Variants in CHST13 observed in about 807,000 individuals in gnomAD.
CHST13 encodes carbohydrate sulfotransferase 13.
Under a neutral mutation model 7.0 loss-of-function variants are expected in CHST13, and 1 was observed. The observed-to-expected ratio is 0.14, with a 90% confidence interval of 0.05 to 0.68. CHST13 has a LOEUF of 0.68. Ranked by LOEUF, CHST13 falls within the 30% of genes least tolerant of loss-of-function variation. The probability of loss-of-function intolerance (pLI) is 0.82; values close to 1 mark genes in which losing one functional copy is unlikely to be tolerated. For synonymous variants in CHST13, 257 were observed against 240.9 expected (o/e 1.07, Z -0.62); for missense variants, 572 against 507.9 (o/e 1.13, Z -1.21).
Position 126,542,870 on chromosome 3 carries a change from CA to C in CHST13, c.*293del. The C allele has an allele frequency of 3.2e-6, 1 of 310,054 alleles. No homozygotes were observed. Among genetic ancestry groups the C allele is most frequent in the Non-Finnish European group, 5.8e-6 (1 of 170,952 alleles). The allele number at this position is 310,054 out of a possible 1,614,324, so 19.2% of individuals were successfully genotyped here. On this transcript the variant is annotated 3_prime_UTR_variant, in exon 3 of 3. Transcript: ENST00000319340. The stretch of plus-strand genomic sequence containing the variant: ...CGTAGATGGGCAAGGACTTGATAAC[CA>C]GGGTTTTAGGCTTTTAAAGGCCATT...
chr3:126,537,914 C>G (rs764860112), intron 2 of CHST13, among the ~76,000 whole-genome samples: 4 of 152,210 alleles, frequency 2.6e-5, no homozygotes, highest in Non-Finnish European at 5.9e-5. Context: ...CACAGAGCTT[C>G]TATGGACTAG....
At chr3:126,532,568 C>T (rs1936680875) in intron 1 of CHST13, among the ~76,000 whole-genome samples, 1 of 152,206 alleles carries the variant, frequency 6.6e-6, no homozygotes, top group Non-Finnish European at 1.5e-5. Flanking sequence ...CATCAATAAT[C>T]AACTGACCAC....
intron 2 of CHST13, among the ~76,000 whole-genome samples, chr3:126,539,840 A>C (rs1472676304): frequency 1.3e-5 from 1 of 77,632 alleles, no homozygotes; most frequent in African/African-American, 6.1e-5. Flanking sequence ...CACACACACC[A>C]CACACATCAC....
In CHST13 at chr3:126,541,889, C is replaced by CCCAA; in HGVS notation, c.338_341dup (p.Lys114AsnfsTer128). Reference sequence around the variant, plus strand: ...GCATGGCCTGCTCTACTGCTACGTGCCCAAGGTGGCCTGCACCAACTGGAA... The same window carrying CCCAA: ...GCATGGCCTGCTCTACTGCTACGTGCCCAACCAAGGTGGCCTGCACCAACTGGAA... On this transcript the variant is annotated frameshift_variant, in exon 3 of 3. Coordinates refer to ENST00000319340, the MANE Select transcript of CHST13 (RefSeq NM_152889.3). LOFTEE classifies it low-confidence loss of function (END_TRUNC). 6.2e-7 allele frequency: 1 copy of CCCAA among 1,600,280 alleles called. No individual in the cohort carries two copies. The highest frequency in any genetic ancestry group is 1.7e-5 in the Admixed American group (1 of 58,878).
Position 126,524,394 on chromosome 3 carries a change from TG to T in CHST13, c.63del (p.Leu22SerfsTer56). On this transcript the variant is annotated frameshift_variant, in exon 1 of 3. Coordinates refer to ENST00000319340, the MANE Select transcript of CHST13 (RefSeq NM_152889.3). LOFTEE classifies it high-confidence loss of function. Reference protein sequence around the residue: ...LAAACLGAALLLLCAAPRSLR... With the variant: ...LAAACLGAALXLLCAAPRSLR... Reference sequence around the variant, plus strand: ...GCCGCCTGTCTGGGCGCCGCGCTCCTGCTCCTATGCGCCGCGCCCCGCTCCC... The same window carrying T: ...GCCGCCTGTCTGGGCGCCGCGCTCCTCTCCTATGCGCCGCGCCCCGCTCCC... 8.2e-7 allele frequency: 1 copy of T among 1,219,818 alleles called. No homozygotes were observed. The highest frequency in any genetic ancestry group is 1.0e-6 in the Non-Finnish European group (1 of 975,604). 75.6% of individuals were successfully genotyped at this position (1,219,818 alleles called of 1,614,324 possible). A position where few individuals can be genotyped will look rare whatever the true frequency, so the allele number is the denominator to read the frequency against.
Position 126,524,417 on chromosome 3 carries a change from T to C in CHST13, c.85T>C (p.Ser29Pro). 5 of 1,172,646 alleles carry C rather than the reference T, an allele frequency of 4.3e-6. No individual in the cohort carries two copies. The highest frequency in any genetic ancestry group is 5.3e-6 in the Non-Finnish European group (5 of 935,372). 72.6% of individuals were successfully genotyped at this position (1,172,646 alleles called of 1,614,324 possible). Reference sequence around the variant, plus strand: ...CCTGCTCCTATGCGCCGCGCCCCGCTCCCTGCGCCCGGGTGAGTGCCCGCC... The same window carrying C: ...CCTGCTCCTATGCGCCGCGCCCCGCCCCCTGCGCCCGGGTGAGTGCCCGCC... ...ALLLLCAAPR[S>P]LRPAFGNRAL... The change falls in exon 1 of 3, where the codon TCC becomes CCC. Residue 29 changes from serine to proline, a missense_variant. Transcript: ENST00000319340.
At chr3:126,539,114 T>C (rs1936865986) in intron 2 of CHST13, among the ~76,000 whole-genome samples, 1 of 152,070 alleles carries the variant, frequency 6.6e-6, no homozygotes, top group Non-Finnish European at 1.5e-5. Flanking sequence ...TCTTTTCATT[T>C]TGAAAAATTC....
chr3:126,540,178 C>T (rs796515220), intron 2 of CHST13, among the ~76,000 whole-genome samples: 82 of 152,270 alleles, frequency 5.4e-4, no homozygotes, highest in African/African-American at 1.9e-3. Context: ...CCAAAGGCCG[C>T]TTTGGCCTCC....
Position 126,542,117 on chromosome 3 carries a change from G to C in CHST13, c.565G>C (p.Ala189Pro), listed in dbSNP as rs759105663. Residue 189 changes from alanine (A) to proline (P), a missense_variant, in exon 3 of 3, where the codon GCG (alanine) becomes CCG (proline). By Grantham distance (27) the Ala-to-Pro change is conservative. Coordinates refer to ENST00000319340, the MANE Select transcript of CHST13 (RefSeq NM_152889.3). ...RLASAYRNKLARPYSAAFQRR... is the reference protein window; with the variant it reads ...RLASAYRNKLPRPYSAAFQRR... ...GGCATCGGCTTACCGCAACAAGCTC[G>C]CGCGCCCCTACAGCGCCGCCTTCCA... 1 of 1,577,756 alleles carries C rather than the reference G, an allele frequency of 6.3e-7. No individual in the cohort carries two copies. The highest frequency in any genetic ancestry group is 2.4e-5 in the East Asian group (1 of 42,306).
rs1937002942 is a variant in CHST13 at position 126,542,905 on chromosome 3, C to T, written c.*327C>T. On this transcript the variant is annotated 3_prime_UTR_variant, in exon 3 of 3. Coordinates refer to ENST00000319340, the MANE Select transcript of CHST13 (RefSeq NM_152889.3). Reference sequence around the variant, plus strand: ...GGCTTTTAAAGGCCATTTTGGGGGTCAGCCCTGCCCCTGAACCTGTTCATG... The same window carrying T: ...GGCTTTTAAAGGCCATTTTGGGGGTTAGCCCTGCCCCTGAACCTGTTCATG... 3 of 217,036 alleles carry T rather than the reference C, an allele frequency of 1.4e-5. No individual in the cohort carries two copies. In the South Asian group the frequency reaches 4.1e-4, roughly 30 times the overall value. The allele number at this position is 217,036 out of a possible 1,614,324, so 13.4% of individuals were successfully genotyped here. A position where few individuals can be genotyped will look rare whatever the true frequency, so the allele number is the denominator to read the frequency against.
intron 1 of CHST13, among the ~76,000 whole-genome samples, chr3:126,533,380 G>C (rs1249175410): frequency 6.6e-6 from 1 of 152,126 alleles, no homozygotes; most frequent in East Asian, 1.9e-4. Context: ...CCCTTTATCA[G>C]TTTGGCAAAG....
intron 1 of CHST13, among the ~76,000 whole-genome samples, chr3:126,528,324 C>G (rs28478592): frequency 0.049 from 7,489 of 152,114 alleles, 260 homozygotes; most frequent in African/African-American, 0.096. Context: ...GCAGGGGTTA[C>G]AGAAAAGCAA....
Position 126,542,622 on chromosome 3 carries a change from G to A in CHST13, c.*44G>A, listed in dbSNP as rs1936992721. 3 of 1,429,552 alleles carry A rather than the reference G, an allele frequency of 2.1e-6. No individual in the cohort carries two copies. The highest frequency in any genetic ancestry group is 2.7e-6 in the Non-Finnish European group (3 of 1,092,186). The allele number at this position is 1,429,552 out of a possible 1,614,324, so 88.6% of individuals were successfully genotyped here. A position where few individuals can be genotyped will look rare whatever the true frequency, so the allele number is the denominator to read the frequency against. On this transcript the variant is annotated 3_prime_UTR_variant, in exon 3 of 3. Transcript: ENST00000319340. ...GGCCACGCGGGGCAAGTGCCTTTCC[G>A]ACAAGACCCCCGGGGAATGCAGGTG...
intron 2 of CHST13, among the ~76,000 whole-genome samples, chr3:126,536,649 G>A (rs1158679806): frequency 6.6e-6 from 1 of 152,000 alleles, no homozygotes; most frequent in Non-Finnish European, 1.5e-5. Flanking sequence ...CTGCCCTCAG[G>A]AAGTTTACAG....
chr3:126,541,571 C>G (rs983484242), intron 2 of CHST13, among the ~76,000 whole-genome samples, 162 bp from the exon 3 acceptor site: 1 of 152,206 alleles, frequency 6.6e-6, no homozygotes, highest in African/African-American at 2.4e-5. Context: ...TGCCCGGGCC[C>G]TAAACCACAC....
chr3:126,524,744 C>T (rs368836277), intron 1 of CHST13, among the ~76,000 whole-genome samples: 7 of 152,202 alleles, frequency 4.6e-5, no homozygotes, highest in African/African-American at 1.7e-4. Context: ...GGAAGGCCAT[C>T]TCCCTTACCT....
rs770153640 is a variant in CHST13, at chr3:126,542,061, T to A, written c.509T>A (p.Phe170Tyr). Reference protein sequence around the residue: ...INRRLRAYLAFLFVREPFERL... With the variant: ...INRRLRAYLAYLFVREPFERL... ...CGGCGCCTGCGCGCCTACTTGGCCTTCCTGTTCGTGCGGGAGCCCTTCGAG... is the reference window on the plus strand; with the variant it reads ...CGGCGCCTGCGCGCCTACTTGGCCTACCTGTTCGTGCGGGAGCCCTTCGAG... Residue 170 changes from phenylalanine to tyrosine, a missense_variant, in exon 3 of 3, where the codon TTC (phenylalanine) becomes TAC (tyrosine). Physicochemically the swap from Phe to Tyr is conservative, Grantham distance 22. Coordinates refer to ENST00000319340, the MANE Select transcript of CHST13 (RefSeq NM_152889.3). The A allele has an allele frequency of 6.3e-7, 1 of 1,581,834 alleles. No homozygotes were observed. Among genetic ancestry groups the A allele is most frequent in the Non-Finnish European group, 8.6e-7 (1 of 1,168,166 alleles).
Position 126,541,950 on chromosome 3 carries a change from G to A in CHST13, c.398G>A (p.Gly133Asp), listed in dbSNP as rs1936967447. 1.9e-6 allele frequency: 3 copies of A among 1,586,788 alleles called. No individual in the cohort carries two copies. Among genetic ancestry groups the A allele is most frequent in the African/African-American group, 2.8e-5 (2 of 72,716 alleles). Residue 133 changes from glycine to aspartate, a missense_variant, in exon 3 of 3, where the codon GGC (glycine) becomes GAC (aspartate). Transcript: ENST00000319340. ...VLLALSGQAR[G>D]DPRAISAQEA... ...CTGGCGCTGAGCGGCCAAGCCCGCG[G>A]CGACCCGCGCGCCATCTCCGCGCAA...
intron 1 of CHST13, among the ~76,000 whole-genome samples, chr3:126,533,204 CA>C (rs1169954273): frequency 1.3e-5 from 2 of 151,918 alleles, no homozygotes; most frequent in Non-Finnish European, 2.9e-5. Flanking sequence ...TATTACTTTC[CA>C]ACCTGGATGC....
Sources: gnomAD v4.1 joint callset for allele counts (sites outside exome capture counted in the v4.1 genomes callset) on GRCh38, gnomAD v4.1.1 for gene constraint, MANE v1.5 for transcripts, NCBI Gene and HGNC (gene_info 2026-07-23, HGNC 2026-07-21) for gene names.